Variants in ACAP3 observed in about 807,000 individuals in gnomAD.
The protein encoded by ACAP3 is arf-GAP with coiled-coil, ANK repeat and PH domain-containing protein 3.
A neutral mutation model predicts 104.1 loss-of-function variants in ACAP3; 56 were observed. The observed-to-expected ratio is 0.54, with a 90% CI of 0.43 to 0.67. ACAP3 has a LOEUF of 0.67. Ranked by LOEUF, ACAP3 falls within the 30% of genes least tolerant of loss-of-function variation. The pLI, the probability that ACAP3 is intolerant of heterozygous loss-of-function variation, is 0.00. For synonymous variants in ACAP3, 628 were observed against 496.2 expected (o/e 1.27, Z -3.53); for missense variants, 1,208 against 1,174.9 (o/e 1.03, Z -0.41).
At chr1:1,307,522 G>T in intron 1 of ACAP3, 1 of 1,151,662 alleles carries the variant, frequency 8.7e-7, no homozygotes, top group Non-Finnish European at 1.1e-6. Context: ...GGACGGTCCC[G>T]AGGTGCCCAC....
rs753181635 is a variant in ACAP3 at position 1,299,390 on chromosome 1, A to G, written c.739-34T>C. The G allele has an allele frequency of 1.5e-5, 23 of 1,521,358 alleles. No homozygotes were observed. In the South Asian group the frequency reaches 2.5e-4, roughly 17 times the overall value. The allele number at this position is 1,521,358 out of a possible 1,614,324, so 94.2% of individuals were successfully genotyped here. On this transcript the variant is annotated intron_variant, in intron 9 of 23. Transcript: ENST00000354700. ...CCGGAGCAGGAGGGGGTAGGGGGAG[A>G]AAGCCAGTGAGTGACGGCTGCCAAC... is the stretch of plus-strand genomic sequence containing the variant.
At chr1:1,294,997 A>C in intron 19 of ACAP3, 181 bp from the exon 20 acceptor site, 13 of 603,472 alleles carry the variant, frequency 2.2e-5, no homozygotes, top group Non-Finnish European at 2.9e-5. Flanking sequence ...AAACCAAATA[A>C]CAGCTCAAAG....
intron 5 of ACAP3, among the ~76,000 whole-genome samples, chr1:1,301,233 G>A (rs958712998): frequency 8.0e-5 from 12 of 149,978 alleles, no homozygotes; most frequent in Admixed American, 6.0e-4. Context: ...ACCATATAAG[G>A]CTTATTTTTG....
chr1:1,298,233 C>G, intron 12 of ACAP3, 120 bp from the exon 13 acceptor site: 1 of 1,576,988 alleles, frequency 6.3e-7, no homozygotes, highest in Non-Finnish European at 8.6e-7. Flanking sequence ...CCGTGTCCAG[C>G]TCTCTGCTCC....
chr1:1,296,293 G>C lies in ACAP3; in HGVS notation c.1338-13C>G, dbSNP rs1171848133. On this transcript the variant is annotated splice_polypyrimidine_tract_variant and intron_variant, in intron 15 of 23. Transcript: ENST00000354700. ...GACACCCAGGCTCCTGGAGAGCAGAGGTAGGGATGAGTCTGGGGGAGGCAA... is the reference window on the plus strand; with the variant it reads ...GACACCCAGGCTCCTGGAGAGCAGACGTAGGGATGAGTCTGGGGGAGGCAA... 1.3e-6 allele frequency: 2 copies of C among 1,554,230 alleles called. No homozygotes were observed. Among genetic ancestry groups the C allele is most frequent in the East Asian group, 2.4e-5 (1 of 41,212 alleles).
In ACAP3 at chr1:1,296,570, G is replaced by A. The variant is rs1412379047; in HGVS notation, c.1192C>T (p.Arg398Cys). 7.8e-6 allele frequency: 12 copies of A among 1,539,492 alleles called. No individual in the cohort carries two copies. Among genetic ancestry groups the A allele is most frequent in the Non-Finnish European group, 1.0e-5 (12 of 1,146,680 alleles). The stretch of plus-strand genomic sequence containing the variant: ...AGCACACTCTCGCCCTTCACGCCAC[G>A]CTCCCGAGTGTCGGTGGCGGAGTCG... ...SIDSATDTRE[R>C]GVKGESVLQR... The change falls in exon 15 of 24, where the codon CGT (arginine) becomes TGT (cysteine). Residue 398 changes from arginine to cysteine, a missense_variant. Physicochemically the swap from Arg to Cys is radical, Grantham distance 180. Transcript: ENST00000354700.
chr1:1,295,878 C>T lies in ACAP3; in HGVS notation c.1563G>A (p.Ala521=), dbSNP rs764186902. ...KYVEKKFLRK[A]PMAPALEAPR... ...GGGCCTCCAGGGCTGGTGCCATGGG[C>T]GCCTTCCGCAGAAACTTCTTTTCCA... The change falls in exon 18 of 24, where the codon GCG becomes GCA. Residue 521 remains alanine, a synonymous_variant. Coordinates refer to ENST00000354700, the MANE Select transcript of ACAP3 (RefSeq NM_030649.3). The T allele has an allele frequency of 6.2e-6, 10 of 1,611,856 alleles. No individual in the cohort carries two copies. Among genetic ancestry groups the T allele is most frequent in the African/African-American group, 4.0e-5 (3 of 74,916 alleles).
chr1:1,300,120 A>G (rs1641379305), intron 7 of ACAP3, 38 bp downstream of exon 7: 1 of 1,607,938 alleles, frequency 6.2e-7, no homozygotes, highest in Non-Finnish European at 8.5e-7. Flanking sequence ...AGCCCCCAAC[A>G]TGCAGCCTGT....
rs759698193 is a variant in ACAP3 at position 1,304,157 on chromosome 1, G to A, written c.48-14C>T. On this transcript the variant is annotated splice_polypyrimidine_tract_variant and intron_variant, in intron 1 of 23. Coordinates refer to ENST00000354700, the MANE Select transcript of ACAP3 (RefSeq NM_030649.3). Reference sequence around the variant, plus strand: ...TCAATGGTCGCCCTAAAGCAAGAACGGGGCTGGCTGGGGTCACCTGCAGCC... The same window carrying A: ...TCAATGGTCGCCCTAAAGCAAGAACAGGGCTGGCTGGGGTCACCTGCAGCC... The A allele has an allele frequency of 1.6e-5, 25 of 1,550,356 alleles. No individual in the cohort carries two copies. Among genetic ancestry groups the A allele is most frequent in the East Asian group, 2.4e-5 (1 of 40,914 alleles).
At chr1:1,298,842 C>A in intron 10 of ACAP3, 163 bp from the exon 11 acceptor site, 1 of 629,100 alleles carries the variant, frequency 1.6e-6, no homozygotes, top group Non-Finnish European at 2.8e-6. Flanking sequence ...ACAGCCACTT[C>A]TTGACCTGAG....
At chr1:1,305,891 C>T (rs1641671452) in intron 1 of ACAP3, 1 of 152,200 alleles carries the variant, frequency 6.6e-6, no homozygotes, top group Non-Finnish European at 1.5e-5. Context: ...GGGCAGGGTC[C>T]CCCTCTCCCG....
chr1:1,300,482 G>A (rs376187925), intron 6 of ACAP3, 27 bp downstream of exon 6: 44 of 1,585,044 alleles, frequency 2.8e-5, no homozygotes, highest in East Asian at 1.8e-4. Flanking sequence ...GCTGGTCCCC[G>A]CCCCCCAGCC....
chr1:1,303,594 C>G lies in ACAP3; in HGVS notation c.106-313G>C. On this transcript the variant is annotated intron_variant, in intron 2 of 23. Coordinates refer to ENST00000354700, the MANE Select transcript of ACAP3 (RefSeq NM_030649.3). The surrounding 1 kb of genome is among the most constrained non-coding windows in gnomAD (Gnocchi z 4.0). ...CATGGATAAGGCTGCCCACTCCCAG[C>G]TCCACGGCCTGTTGCCCCCTCCTCT... The G allele has an allele frequency of 8.2e-6, 4 of 489,350 alleles. No homozygotes were observed. The South Asian group carries it at 9.2e-5, about 11-fold the overall frequency. The allele number at this position is 489,350 out of a possible 1,614,324, so 30.3% of individuals were successfully genotyped here.
intron 2 of ACAP3, 36 bp downstream of exon 2, chr1:1,304,050 T>C: frequency 6.5e-7 from 1 of 1,550,070 alleles, no homozygotes; most frequent in Non-Finnish European, 8.7e-7. Context: ...ATCCCAAGCT[T>C]GGCCGGGCAC....
rs375995236 is a variant in ACAP3, at chr1:1,297,791, G to A, written c.1128+31C>T. The A allele has an allele frequency of 4.6e-5, 73 of 1,599,412 alleles. No homozygotes were observed. The African/African-American group carries it at 7.2e-4, about 16-fold the overall frequency. On this transcript the variant is annotated intron_variant, in intron 14 of 23. Coordinates refer to ENST00000354700, the MANE Select transcript of ACAP3 (RefSeq NM_030649.3). ...TCCCCGGTGGCACGTGTGTGTGCAC[G>A]GGCTTGGGGCAGGGGCACCAAGGGC...
intron 19 of ACAP3, 28 bp from the exon 20 acceptor site, chr1:1,294,844 G>A: frequency 1.3e-6 from 2 of 1,546,800 alleles, no homozygotes; most frequent in South Asian, 2.4e-5. Context: ...AGGGGGTCCT[G>A]AGGGTGGGAG....
At position 1,298,557 on chromosome 1, in the gene ACAP3, G is replaced by A. The variant is rs759901374; in HGVS notation, c.863+10C>T. 6.7e-7 allele frequency: 1 copy of A among 1,484,628 alleles called. No individual in the cohort carries two copies. Among genetic ancestry groups the A allele is most frequent in the Admixed American group, 1.8e-5 (1 of 55,916 alleles). 92.0% of individuals were successfully genotyped at this position (1,484,628 alleles called of 1,614,324 possible). A position where few individuals can be genotyped will look rare whatever the true frequency, so the allele number is the denominator to read the frequency against. ...AAGGACCCCGCCCCCACCTGAGGAA[G>A]GCCTCTCACCGGTTCCATGTCTTGA... On this transcript the variant is annotated intron_variant, in intron 11 of 23. Transcript: ENST00000354700.
Position 1,296,284 on chromosome 1 carries a change from G to C in ACAP3, c.1338-4C>G, listed in dbSNP as rs1641145663. On this transcript the variant is annotated splice_polypyrimidine_tract_variant and splice_region_variant and intron_variant, in intron 15 of 23. Transcript: ENST00000354700. Reference sequence around the variant, plus strand: ...GGAGCAGTGGACACCCAGGCTCCTGGAGAGCAGAGGTAGGGATGAGTCTGG... The same window carrying C: ...GGAGCAGTGGACACCCAGGCTCCTGCAGAGCAGAGGTAGGGATGAGTCTGG... 3 of 1,555,404 alleles carry C rather than the reference G, an allele frequency of 1.9e-6. No homozygotes were observed. Among genetic ancestry groups the C allele is most frequent in the Non-Finnish European group, 2.6e-6 (3 of 1,149,808 alleles).
At chr1:1,298,176 C>G in intron 12 of ACAP3, 63 bp from the exon 13 acceptor site, 1 of 1,564,472 alleles carries the variant, frequency 6.4e-7, no homozygotes, top group Non-Finnish European at 8.7e-7. Flanking sequence ...CACCCACTTC[C>G]TGCTTCACCT....
Sources: allele counts gnomAD v4.1 joint callset (sites outside exome capture counted in the v4.1 genomes callset), GRCh38; gene constraint gnomAD v4.1.1; non-coding constraint Gnocchi (gnomAD v3.1); transcripts MANE v1.5; gene names NCBI Gene and HGNC (gene_info 2026-07-23, HGNC 2026-07-21).